Variants in SCHIP1 observed in about 807,000 individuals in gnomAD.
SCHIP1 encodes schwannomin-interacting protein 1.
In SCHIP1, 8 loss-of-function variants were observed where a neutral mutation model predicts 29.7. The ratio of observed to expected loss-of-function variants is 0.27; its 90% CI spans 0.16 to 0.49. SCHIP1 has a LOEUF of 0.49. Ranked by LOEUF, SCHIP1 falls within the 20% of genes least tolerant of loss-of-function variation. The pLI is 0.99. For synonymous variants in SCHIP1, 76 were observed against 94.9 expected, an observed-to-expected ratio of 0.80 and a Z score of 1.16; for missense variants, 193 against 294.6, an observed-to-expected ratio of 0.66 and a Z score of 2.52.
At chr3:159,590,392 A>G in the SCHIP1 span, among the ~76,000 whole-genome samples, 8 of 152,138 alleles carry the variant, frequency 5.3e-5, no homozygotes, top group Admixed American at 5.2e-4. Context: ...CCTGGCCAAC[A>G]TGGTGAAACC....
At chr3:159,606,857 C>T in the SCHIP1 span, among the ~76,000 whole-genome samples, 462 of 152,268 alleles carry the variant, frequency 3.0e-3, 5 homozygotes, top group African/African-American at 0.01. Flanking sequence ...AACTGGAAGC[C>T]AGGGGATGAG....
the SCHIP1 span, among the ~76,000 whole-genome samples, chr3:159,421,732 T>C: frequency 6.6e-6 from 1 of 152,208 alleles, no homozygotes; most frequent in Non-Finnish European, 1.5e-5. Context: ...GAGTTTGGGA[T>C]TGGGACTATA....
the SCHIP1 span, among the ~76,000 whole-genome samples, chr3:159,457,246 T>G: frequency 1.3e-5 from 2 of 152,216 alleles, no homozygotes; most frequent in Non-Finnish European, 2.9e-5. Context: ...TAATTGAAGA[T>G]CATTATAAAC....
the SCHIP1 span, among the ~76,000 whole-genome samples, chr3:159,283,421 G>T: frequency 6.6e-6 from 1 of 152,170 alleles, no homozygotes; most frequent in South Asian, 2.1e-4. Flanking sequence ...CTCCCAAACT[G>T]CTGGGATTAC....
At chr3:159,814,763 G>A in the SCHIP1 span, among the ~76,000 whole-genome samples, 14 of 152,182 alleles carry the variant, frequency 9.2e-5, no homozygotes, top group East Asian at 1.9e-4. Context: ...AGCTGGAACC[G>A]GAAGATCTGA....
the SCHIP1 span, among the ~76,000 whole-genome samples, chr3:159,766,873 C>A: frequency 6.6e-6 from 1 of 152,180 alleles, no homozygotes. Context: ...ACCCCCACCC[C>A]CAACGCATCT....
the SCHIP1 span, among the ~76,000 whole-genome samples, chr3:159,555,998 A>G: frequency 6.6e-6 from 1 of 152,146 alleles, no homozygotes; most frequent in Non-Finnish European, 1.5e-5. Flanking sequence ...GCAAACCACA[A>G]TGGCACGTGT....
At chr3:159,638,668 G>A in the SCHIP1 span, among the ~76,000 whole-genome samples, 1 of 151,252 alleles carries the variant, frequency 6.6e-6, no homozygotes, top group Admixed American at 6.6e-5. Context: ...ATTTGATAGC[G>A]TTATGTTGTC....
the SCHIP1 span, among the ~76,000 whole-genome samples, chr3:159,411,589 A>C: frequency 6.6e-6 from 1 of 152,200 alleles, no homozygotes; most frequent in African/African-American, 2.4e-5. Flanking sequence ...AAATCTTAGA[A>C]GTATTCATAA....
the SCHIP1 span, among the ~76,000 whole-genome samples, chr3:159,803,171 G>A: frequency 1.3e-4 from 19 of 146,196 alleles, no homozygotes; most frequent in African/African-American, 4.7e-4. Flanking sequence ...CAGCTAAAAG[G>A]TGTGTATGTG....
chr3:159,426,800 A>C, the SCHIP1 span, among the ~76,000 whole-genome samples: 1 of 152,194 alleles, frequency 6.6e-6, no homozygotes, highest in East Asian at 1.9e-4. Flanking sequence ...ATACTGGCAA[A>C]CTGAATCCAG....
chr3:159,288,909 C>T, the SCHIP1 span, among the ~76,000 whole-genome samples: 1 of 152,134 alleles, frequency 6.6e-6, no homozygotes, highest in Non-Finnish European at 1.5e-5. Context: ...TTTCTTTAGT[C>T]ACATTAATAA....
chr3:159,813,680 G>A, the SCHIP1 span, among the ~76,000 whole-genome samples: 3 of 149,548 alleles, frequency 2.0e-5, no homozygotes, highest in Non-Finnish European at 2.9e-5. Flanking sequence ...AGAGTGAGAC[G>A]CTATCTCAAA....
the SCHIP1 span, among the ~76,000 whole-genome samples, chr3:159,622,554 A>C: frequency 6.6e-6 from 1 of 152,170 alleles, no homozygotes; most frequent in African/African-American, 2.4e-5. Context: ...CTTACAAGTG[A>C]ATGCTCAAAA....
chr3:159,633,127 T>C, the SCHIP1 span, among the ~76,000 whole-genome samples: 1 of 152,148 alleles, frequency 6.6e-6, no homozygotes, highest in Non-Finnish European at 1.5e-5. Flanking sequence ...AACTCTGCAG[T>C]CTCATAATTT....
At chr3:159,338,464 T>G in the SCHIP1 span, among the ~76,000 whole-genome samples, 2 of 152,196 alleles carry the variant, frequency 1.3e-5, no homozygotes, top group East Asian at 3.9e-4. Flanking sequence ...GAACATGGTA[T>G]AAGATGAGGT....
At chr3:159,358,949 GAC>G in the SCHIP1 span, among the ~76,000 whole-genome samples, 1 of 96,826 alleles carries the variant, frequency 1.0e-5, no homozygotes, top group Admixed American at 1.3e-4. Flanking sequence ...TTTTTTTTGA[GAC>G]AGAGTCTTGC....
the SCHIP1 span, among the ~76,000 whole-genome samples, chr3:159,819,434 C>T: frequency 1.2e-4 from 18 of 152,162 alleles, no homozygotes; most frequent in Admixed American, 1.0e-3. Context: ...AATTTAGGGA[C>T]GTATTTTAAA....
intron 4 of SCHIP1, 102 bp from the exon 6 acceptor site, chr3:159,888,718 A>AGTGG: frequency 6.6e-7 from 1 of 1,504,596 alleles, no homozygotes; most frequent in Non-Finnish European, 8.9e-7. Context: ...ACTGAATTGC[A>AGTGG]GTGGGTGGGT....
Sources: gnomAD v4.1 joint callset for allele counts (sites outside exome capture counted in the v4.1 genomes callset) on GRCh38, gnomAD v4.1.1 for gene constraint, MANE v1.5 for transcripts, NCBI Gene and HGNC (gene_info 2026-07-23, HGNC 2026-07-21) for gene names.